The following DHCR24 variants were observed in gnomAD, a reference collection of about 807,000 sequenced individuals.
DHCR24 encodes delta(24)-sterol reductase.
Under a neutral mutation model 61.2 loss-of-function variants are expected in DHCR24, and 28 were observed. That is an observed-to-expected ratio of 0.46 (90% CI 0.34 to 0.63). The LOEUF is 0.63. Among genes scored for constraint, DHCR24 ranks in the 20% least tolerant of loss-of-function variants. The pLI, the probability that DHCR24 is intolerant of heterozygous loss-of-function variation, is 0.01. For synonymous variants in DHCR24, 261 were observed against 275.9 expected (o/e 0.95, Z 0.54); for missense variants, 538 against 679.1 (o/e 0.79, Z 2.31).
At chr1:54,852,953 A>C (rs2101554407) in intron 8 of DHCR24, among the ~76,000 whole-genome samples, 1 of 152,180 alleles carries the variant, frequency 6.6e-6, no homozygotes, top group Non-Finnish European at 1.5e-5. Flanking sequence ...ATCATATGGC[A>C]TTGTTTTTTC....
In DHCR24 at chr1:54,883,768, C is replaced by A; in HGVS notation, c.237G>T (p.Arg79=). ...QRVRDIQKQV[R]EWKEQGSKTF... ...TCTTGCTACCCTGCTCCTTCCATTC[C>A]CGCACCTGCAACCACAGGACAGAGG... The change falls in exon 2 of 9, where the codon CGG becomes CGT. Residue 79 remains arginine (R), a synonymous_variant. Coordinates refer to ENST00000371269, the MANE Select transcript of DHCR24 (RefSeq NM_014762.4). The surrounding 1 kb of genome is among the most constrained non-coding windows in gnomAD (Gnocchi z 4.3). 2 of 1,614,174 alleles carry A rather than the reference C, an allele frequency of 1.2e-6. No individual in the cohort carries two copies. The highest frequency in any genetic ancestry group is 1.7e-6 in the Non-Finnish European group (2 of 1,180,038).
intron 1 of DHCR24, among the ~76,000 whole-genome samples, chr1:54,885,317 T>G (rs901576290): frequency 1.3e-5 from 2 of 149,730 alleles, no homozygotes; most frequent in African/African-American, 4.9e-5. Flanking sequence ...TGGGAGGGAG[T>G]GATTAGGGGT....
At chr1:54,881,433 C>T (rs1570202889) in intron 2 of DHCR24, among the ~76,000 whole-genome samples, 1 of 152,100 alleles carries the variant, frequency 6.6e-6, no homozygotes, top group African/African-American at 2.4e-5. Context: ...ATCAAAACCA[C>T]AATGAAATAC....
chr1:54,858,753 C>T (rs1274274001), intron 6 of DHCR24, among the ~76,000 whole-genome samples: 1 of 152,196 alleles, frequency 6.6e-6, no homozygotes, highest in East Asian at 1.9e-4. Context: ...TCTCCTGCCA[C>T]AGCCTCCTGA....
At chr1:54,862,628 C>A (rs1317334549) in intron 6 of DHCR24, among the ~76,000 whole-genome samples, 1 of 152,168 alleles carries the variant, frequency 6.6e-6, no homozygotes, top group East Asian at 1.9e-4. Flanking sequence ...CTTTAGAAAA[C>A]ATTTCTCTGT....
chr1:54,876,661 C>CA lies in DHCR24; in HGVS notation c.388-615dup, dbSNP rs769186179. Among the ~76,000 whole-genome samples the CA allele has an allele frequency of 1.0e-3, 152 of 148,140 alleles. 9 individuals are homozygous for CA. In the East Asian group the frequency reaches 0.024, roughly 23 times the overall value. On this transcript the variant is annotated intron_variant, in intron 2 of 8. Coordinates refer to ENST00000371269, the MANE Select transcript of DHCR24 (RefSeq NM_014762.4). ...AGAGTGAGACTCCGTCTCAAACAAA[C>CA]AAAAAAAAAATTCACCCTTCCTAGT...
At chr1:54,854,009 T>A in intron 7 of DHCR24, 28 bp downstream of exon 7, 1 of 1,594,412 alleles carries the variant, frequency 6.3e-7, no homozygotes, top group Non-Finnish European at 8.5e-7. Context: ...ATGCACCTGG[T>A]GCGCCCTCCC....
chr1:54,857,917 C>A (rs1646916259), intron 6 of DHCR24, among the ~76,000 whole-genome samples: 1 of 152,132 alleles, frequency 6.6e-6, no homozygotes, highest in East Asian at 1.9e-4. Context: ...GGACTAATCA[C>A]CCAGAATGCA....
In DHCR24 at chr1:54,887,144, T is replaced by TGCGGGTTCGCGCCTCCTGTCACTGCC. The variant is rs1422701817; in HGVS notation, c.-51_-26dup. Reference sequence around the variant, plus strand: ...TGGTGCGGCGCCGCGCGGTAAGCGCTGCGGGTTCGCGCCTCCTGTCACTGC... The same window carrying TGCGGGTTCGCGCCTCCTGTCACTGCC: ...TGGTGCGGCGCCGCGCGGTAAGCGCTGCGGGTTCGCGCCTCCTGTCACTGCCGCGGGTTCGCGCCTCCTGTCACTGC... On this transcript the variant is annotated 5_prime_UTR_variant, in exon 1 of 9. Coordinates refer to ENST00000371269, the MANE Select transcript of DHCR24 (RefSeq NM_014762.4). 2.0e-5 allele frequency: 31 copies of TGCGGGTTCGCGCCTCCTGTCACTGCC among 1,539,806 alleles called. No individual in the cohort carries two copies. The highest frequency in any genetic ancestry group is 2.6e-5 in the Non-Finnish European group (30 of 1,142,604).
At chr1:54,852,469 A>C in intron 8 of DHCR24, 83 bp from the exon 9 acceptor site, 2 of 1,490,994 alleles carry the variant, frequency 1.3e-6, no homozygotes, top group East Asian at 4.5e-5. Context: ...CTCATTCTGC[A>C]GCCCAGAAAA....
rs542505342 is a variant in DHCR24 at position 54,886,814 on chromosome 1, C to A, written c.231+75G>T. 8.3e-6 allele frequency: 13 copies of A among 1,564,030 alleles called. No homozygotes were observed. The East Asian group carries it at 2.8e-4, about 34-fold the overall frequency. ...GCCGCCCCCGCACCGCAGCTCCCGTCGCCACCTCGCGTCCCGCTATCCCCG... is the reference window on the plus strand; with the variant it reads ...GCCGCCCCCGCACCGCAGCTCCCGTAGCCACCTCGCGTCCCGCTATCCCCG... On this transcript the variant is annotated intron_variant, in intron 1 of 8. Transcript: ENST00000371269.
At chr1:54,868,037 AT>A (rs1433715248) in intron 5 of DHCR24, among the ~76,000 whole-genome samples, 6 of 152,166 alleles carry the variant, frequency 3.9e-5, no homozygotes, top group African/African-American at 1.4e-4. Context: ...TCTGGGCCTC[AT>A]TTCCTTATTT....
chr1:54,860,971 G>C (rs928154577), intron 6 of DHCR24, among the ~76,000 whole-genome samples: 2 of 147,338 alleles, frequency 1.4e-5, no homozygotes, highest in African/African-American at 5.0e-5. Context: ...CTGGGCGACA[G>C]AGCGAGACTT....
At chr1:54,875,332 G>A in intron 3 of DHCR24, 121 bp from the exon 4 acceptor site, 2 of 831,552 alleles carry the variant, frequency 2.4e-6, no homozygotes, top group Non-Finnish European at 2.1e-6. Flanking sequence ...AAATGGGGCT[G>A]TTGACTTAGG....
intron 5 of DHCR24, among the ~76,000 whole-genome samples, chr1:54,866,343 T>C (rs1040169910): frequency 6.6e-6 from 1 of 151,522 alleles, no homozygotes; most frequent in South Asian, 2.1e-4. Flanking sequence ...TTTTAAAAAA[T>C]AGGACCATCT....
In DHCR24 at chr1:54,887,122, TGCGGCGCCGC is replaced by T; in HGVS notation, c.-13_-4del. The T allele has an allele frequency of 1.3e-6, 2 of 1,569,770 alleles. No homozygotes were observed. Among genetic ancestry groups the T allele is most frequent in the Non-Finnish European group, 1.7e-6 (2 of 1,158,494 alleles). ...GCCAGCGACACGGCGGGCTCCATGG[TGCGGCGCCGC>T]GCGGTAAGCGCTGCGGGTTCGCGCC... On this transcript the variant is annotated 5_prime_UTR_variant, in exon 1 of 9. Transcript: ENST00000371269.
intron 5 of DHCR24, among the ~76,000 whole-genome samples, chr1:54,866,752 C>CCCACCCTGCTGGTAAGG (rs536180731): frequency 0.023 from 3,432 of 152,208 alleles, 135 homozygotes; most frequent in East Asian, 0.12. Context: ...CTTGTGCAGG[C>CCCACCCTGCTGGTAAGG]CCACCCTGCT....
intron 2 of DHCR24, among the ~76,000 whole-genome samples, chr1:54,880,806 A>AC (rs1647060158): frequency 1.3e-5 from 2 of 150,338 alleles, no homozygotes; most frequent in East Asian, 2.0e-4. Flanking sequence ...AAACAAACAA[A>AC]ACCCCCACAA....
chr1:54,862,953 A>G (rs7536507), intron 6 of DHCR24, among the ~76,000 whole-genome samples: 15,675 of 151,790 alleles, frequency 0.1, 1,059 homozygotes, highest in East Asian at 0.2. Context: ...GTGGGCGCCT[A>G]TAGTCCCAGC....
Sources: allele counts gnomAD v4.1 joint callset (sites outside exome capture counted in the v4.1 genomes callset), GRCh38; gene constraint gnomAD v4.1.1; non-coding constraint Gnocchi (gnomAD v3.1); transcripts MANE v1.5; gene names NCBI Gene and HGNC (gene_info 2026-07-23, HGNC 2026-07-21).